The following HMCN1 variants were observed in gnomAD, a reference collection of about 807,000 sequenced individuals.
HMCN1 encodes hemicentin-1.
A neutral mutation model predicts 625.9 loss-of-function variants in HMCN1; 321 were observed. That is an observed-to-expected ratio of 0.51 (90% CI 0.47 to 0.56). The LOEUF is 0.56. Ranked by LOEUF, HMCN1 falls within the 20% of genes least tolerant of loss-of-function variation. The probability of loss-of-function intolerance (pLI) is 0.00; values close to 1 mark genes in which losing one functional copy is unlikely to be tolerated. For missense variants in HMCN1, 6,588 were observed against 6,887.3 expected (o/e 0.96, Z 1.54); for synonymous variants, 2,425 against 2,417.6 (o/e 1.00, Z -0.09).
intron 68 of HMCN1, among the ~76,000 whole-genome samples, chr1:186,102,204 T>C (rs1414014534): frequency 1.3e-5 from 2 of 152,148 alleles, no homozygotes; most frequent in African/African-American, 4.8e-5. Context: ...AATATTAAAC[T>C]GCACTTCAGA....
chr1:185,922,923 G>A (rs867430843), intron 7 of HMCN1, among the ~76,000 whole-genome samples: 8 of 151,986 alleles, frequency 5.3e-5, no homozygotes, highest in African/African-American at 1.9e-4. Context: ...AATTAAACAC[G>A]TCACATATCA....
At chr1:185,973,850 G>T (rs370158102) in intron 15 of HMCN1, among the ~76,000 whole-genome samples, 2 of 152,172 alleles carry the variant, frequency 1.3e-5, no homozygotes, top group East Asian at 3.9e-4. Flanking sequence ...TACCACACAG[G>T]GTTTGAGACT....
chr1:185,798,180 C>T (rs1251995310), intron 1 of HMCN1, among the ~76,000 whole-genome samples: 3 of 152,026 alleles, frequency 2.0e-5, no homozygotes, highest in African/African-American at 7.2e-5. Flanking sequence ...TAGCAGAATG[C>T]AACATTCATG....
In HMCN1 at chr1:185,852,409, CA is replaced by C. The variant is rs369562957; in HGVS notation, c.339+6319del. On this transcript the variant is annotated intron_variant, in intron 2 of 106. Coordinates refer to ENST00000271588, the MANE Select transcript of HMCN1 (RefSeq NM_031935.3). The stretch of plus-strand genomic sequence containing the variant: ...AAGCAAATACATTTTAAAAATAAAC[CA>C]AAAAAGGAAAGAAAAGGCATTATAT... Among the ~76,000 whole-genome samples the C allele has an allele frequency of 7.2e-3, 1,086 of 150,420 alleles. 11 individuals carry two copies. Among genetic ancestry groups the C allele is most frequent in the African/African-American group, 0.025 (1,036 of 40,978 alleles).
rs187462608 is a variant in HMCN1 at position 186,166,746 on chromosome 1, C to T, written c.15440-62C>T. The T allele has an allele frequency of 8.4e-5, 136 of 1,611,372 alleles. 1 individual carries two copies. The highest frequency in any genetic ancestry group is 3.6e-4 in the South Asian group (33 of 90,938). The stretch of plus-strand genomic sequence containing the variant: ...ACTGCTTTTTGTATCCCTATTTCAC[C>T]GCAGGTTCTTGGGCTGGGTGTTCTT... On this transcript the variant is annotated intron_variant, in intron 99 of 106. Transcript: ENST00000271588.
At chr1:186,162,649 C>T (rs1558271857) in intron 97 of HMCN1, among the ~76,000 whole-genome samples, 2 of 152,312 alleles carry the variant, frequency 1.3e-5, no homozygotes, top group Admixed American at 6.5e-5. Flanking sequence ...CCCTCAGCTG[C>T]AAGTCTGTTG....
At chr1:186,050,081 CATTT>C (rs1284559181) in intron 42 of HMCN1, among the ~76,000 whole-genome samples, 1 of 150,712 alleles carries the variant, frequency 6.6e-6, no homozygotes, top group Non-Finnish European at 1.5e-5. Context: ...ATATCTAGTT[CATTT>C]ATTTAATAAT....
intron 11 of HMCN1, among the ~76,000 whole-genome samples, chr1:185,947,537 A>G (rs1421063014): frequency 6.6e-6 from 1 of 152,244 alleles, no homozygotes; most frequent in East Asian, 1.9e-4. Context: ...CCACTCAGAA[A>G]TAACTCCACC....
chr1:185,799,281 A>T (rs1284110808), intron 1 of HMCN1, among the ~76,000 whole-genome samples: 1 of 152,166 alleles, frequency 6.6e-6, no homozygotes, highest in Non-Finnish European at 1.5e-5. Flanking sequence ...CCCAAGTGCT[A>T]TGCATTTGTG....
intron 34 of HMCN1, among the ~76,000 whole-genome samples, chr1:186,019,229 A>G: frequency 6.6e-6 from 1 of 152,012 alleles, no homozygotes; most frequent in East Asian, 1.9e-4. Context: ...GTTCTAGAGA[A>G]AGGGAGGGTC....
chr1:185,835,001 T>C (rs1661083308), intron 1 of HMCN1, among the ~76,000 whole-genome samples: 2 of 152,202 alleles, frequency 1.3e-5, no homozygotes, highest in Non-Finnish European at 2.9e-5. Flanking sequence ...CAGTGACAGA[T>C]AACATAACTT....
Position 186,041,001 on chromosome 1 carries a change from TA to T in HMCN1, c.6181-11del. On this transcript the variant is annotated splice_polypyrimidine_tract_variant and intron_variant, in intron 39 of 106. Coordinates refer to ENST00000271588, the MANE Select transcript of HMCN1 (RefSeq NM_031935.3). ...AGACATATTGGTTATTTAGCGTTCT[TA>T]CCATTGATAGGTTCTCTCTGGTGGT... is the stretch of plus-strand genomic sequence containing the variant. 2 of 1,612,482 alleles carry T rather than the reference TA, an allele frequency of 1.2e-6. No homozygotes were observed. Among genetic ancestry groups the T allele is most frequent in the Non-Finnish European group, 8.5e-7 (1 of 1,178,814 alleles).
chr1:186,097,019 A>G (rs1660168307), intron 68 of HMCN1, among the ~76,000 whole-genome samples: 1 of 152,160 alleles, frequency 6.6e-6, no homozygotes, highest in Non-Finnish European at 1.5e-5. Flanking sequence ...TCTATTAGAC[A>G]TAGTATTGAA....
intron 70 of HMCN1, among the ~76,000 whole-genome samples, chr1:186,108,035 T>TA (rs559777006): frequency 0.046 from 4,557 of 98,154 alleles, 119 homozygotes; most frequent in Middle Eastern, 0.074. Context: ...GTAAATTCTG[T>TA]AAAAAAAAAA....
intron 1 of HMCN1, among the ~76,000 whole-genome samples, chr1:185,741,584 A>C (rs972269313): frequency 3.9e-5 from 6 of 152,218 alleles, no homozygotes; most frequent in Non-Finnish European, 5.9e-5. Flanking sequence ...TGGGACTCCA[A>C]TGTTTAGCAA....
chr1:185,765,112 C>A (rs1237528360), intron 1 of HMCN1, among the ~76,000 whole-genome samples: 1 of 152,084 alleles, frequency 6.6e-6, no homozygotes, highest in Non-Finnish European at 1.5e-5. Flanking sequence ...CTGGACTAAT[C>A]AGATTCCGTT....
chr1:185,968,183 C>T (rs903795104), intron 14 of HMCN1, among the ~76,000 whole-genome samples: 2 of 151,990 alleles, frequency 1.3e-5, no homozygotes, highest in African/African-American at 4.8e-5. Context: ...AAGATGTTGC[C>T]TTTTTCATTC....
At chr1:185,948,799 T>C (rs999738932) in intron 11 of HMCN1, among the ~76,000 whole-genome samples, 1 of 151,080 alleles carries the variant, frequency 6.6e-6, no homozygotes, top group Non-Finnish European at 1.5e-5. Context: ...GGTGAAAATT[T>C]TTGGGGGGTG....
At chr1:186,088,562 T>C in intron 62 of HMCN1, 44 bp from the exon 63 acceptor site, 1 of 1,595,038 alleles carries the variant, frequency 6.3e-7, no homozygotes, top group Non-Finnish European at 8.6e-7. Context: ...TGTTAAAGTT[T>C]AAAGGTTTTT....
Sources: allele counts gnomAD v4.1 joint callset (sites outside exome capture counted in the v4.1 genomes callset), GRCh38; gene constraint gnomAD v4.1.1; transcripts MANE v1.5; gene names NCBI Gene and HGNC (gene_info 2026-07-23, HGNC 2026-07-21).